The following NKAIN2 variants were observed in gnomAD, a reference collection of about 807,000 sequenced individuals.
NKAIN2 encodes sodium/potassium transporting ATPase interacting 2, also known as sodium/potassium-transporting ATPase subunit beta-1-interacting protein 2.
NKAIN2 carries 14 observed loss-of-function variants against 32.6 expected under a neutral mutation model. The observed-to-expected ratio is 0.43, with a 90% CI of 0.28 to 0.67. The LOEUF (loss-of-function observed/expected upper bound fraction) is 0.67. Ranked by LOEUF, NKAIN2 falls within the 30% of genes least tolerant of loss-of-function variation. The probability of loss-of-function intolerance (pLI) is 0.17; values close to 1 mark genes in which losing one functional copy is unlikely to be tolerated. For synonymous variants in NKAIN2, 80 were observed against 87.2 expected, an observed-to-expected ratio of 0.92 and a Z score of 0.46; for missense variants, 198 against 258.3, an observed-to-expected ratio of 0.77 and a Z score of 1.60.
At chr6:124,616,406 TA>T (rs1782889590) in intron 3 of NKAIN2, among the ~76,000 whole-genome samples, 2 of 145,280 alleles carry the variant, frequency 1.4e-5, no homozygotes, top group Non-Finnish European at 3.0e-5. Context: ...TTGTTCTTAT[TA>T]TTTTTTTCTT....
intron 3 of NKAIN2, among the ~76,000 whole-genome samples, chr6:124,620,983 C>G (rs917255575): frequency 2.0e-5 from 3 of 152,122 alleles, no homozygotes; most frequent in Non-Finnish European, 4.4e-5. Flanking sequence ...GCTTTTTTCT[C>G]TCTCACTCAC....
chr6:124,195,398 C>A (rs1790267256), intron 1 of NKAIN2, among the ~76,000 whole-genome samples: 1 of 152,118 alleles, frequency 6.6e-6, no homozygotes, highest in Non-Finnish European at 1.5e-5. Context: ...GAAACAAATT[C>A]AATGTTAGCT....
intron 3 of NKAIN2, among the ~76,000 whole-genome samples, chr6:124,649,636 C>T (rs185084644): frequency 9.7e-4 from 147 of 152,188 alleles, no homozygotes; most frequent in Non-Finnish European, 3.4e-4. Flanking sequence ...CACCGTAATA[C>T]CAAAACCAGA....
In NKAIN2 at chr6:123,923,963, T is replaced by A. The variant is rs907844632; in HGVS notation, c.54+119709T>A. Among the ~76,000 whole-genome samples, 217 of 151,660 alleles carry A rather than the reference T, an allele frequency of 1.4e-3. 1 individual carries two copies. The highest frequency in any genetic ancestry group is 4.1e-3 in the African/African-American group (169 of 41,400). On this transcript the variant is annotated intron_variant, in intron 1 of 6. Transcript: ENST00000368417. ...TAATAATAATAAAAATAAAAAAAAT[T>A]AAAAAAATTAAAAAAAGGATTTTGG... is the stretch of plus-strand genomic sequence containing the variant.
intron 1 of NKAIN2, among the ~76,000 whole-genome samples, chr6:124,006,262 C>T (rs960917510): frequency 6.6e-6 from 1 of 152,126 alleles, no homozygotes; most frequent in Non-Finnish European, 1.5e-5. Context: ...TTTCAACACT[C>T]ATGGCTTTTT....
At chr6:124,473,489 G>A (rs930396532) in intron 3 of NKAIN2, among the ~76,000 whole-genome samples, 2 of 151,994 alleles carry the variant, frequency 1.3e-5, no homozygotes, top group Non-Finnish European at 2.9e-5. Context: ...ATTCGTTGTA[G>A]TAACTAGTAT....
At chr6:124,412,818 C>T (rs1035333440) in intron 3 of NKAIN2, among the ~76,000 whole-genome samples, 4 of 152,192 alleles carry the variant, frequency 2.6e-5, no homozygotes, top group African/African-American at 4.8e-5. Flanking sequence ...GTGGTGGGCT[C>T]CACCCAGTTC....
intron 3 of NKAIN2, among the ~76,000 whole-genome samples, chr6:124,400,290 CA>C (rs930222410): frequency 1.3e-4 from 19 of 151,794 alleles, no homozygotes; most frequent in African/African-American, 4.6e-4. Flanking sequence ...TTTTAGTACG[CA>C]GCCAGAGTTG....
chr6:124,511,818 A>G (rs1041551280), intron 3 of NKAIN2, among the ~76,000 whole-genome samples: 3 of 152,092 alleles, frequency 2.0e-5, no homozygotes, highest in African/African-American at 7.2e-5. Context: ...CCTCTTTTCA[A>G]GCTTCTGGCT....
At chr6:123,831,889 C>T (rs4897542) in intron 1 of NKAIN2, among the ~76,000 whole-genome samples, 59,406 of 151,916 alleles carry the variant, frequency 0.39, 13,039 homozygotes, top group Middle Eastern at 0.54. Flanking sequence ...CTCCTGACCT[C>T]GTGATCCGCC....
intron 3 of NKAIN2, among the ~76,000 whole-genome samples, chr6:124,629,404 T>C (rs1783476959): frequency 6.6e-6 from 1 of 152,108 alleles, no homozygotes; most frequent in African/African-American, 2.4e-5. Context: ...ATTATTTCTC[T>C]TGGAATCCAC....
chr6:124,696,316 A>T (rs1774495632), intron 4 of NKAIN2, among the ~76,000 whole-genome samples: 1 of 152,080 alleles, frequency 6.6e-6, no homozygotes, highest in African/African-American at 2.4e-5. Context: ...TTTGCTTCTG[A>T]GGCTGCTTCT....
chr6:123,878,318 T>C (rs982858012), intron 1 of NKAIN2, among the ~76,000 whole-genome samples: 3 of 152,218 alleles, frequency 2.0e-5, no homozygotes, highest in African/African-American at 4.8e-5. Context: ...ATAACTTTCA[T>C]ATGTACACTT....
chr6:124,131,931 A>G (rs1047698469), intron 1 of NKAIN2, among the ~76,000 whole-genome samples: 1 of 152,210 alleles, frequency 6.6e-6, no homozygotes, highest in Non-Finnish European at 1.5e-5. Context: ...CAAAGGAGCC[A>G]CTGCCATTGT....
chr6:124,810,493 G>A (rs578132093), intron 5 of NKAIN2, among the ~76,000 whole-genome samples: 2 of 152,118 alleles, frequency 1.3e-5, no homozygotes, highest in South Asian at 4.2e-4. Context: ...TGGGGTGGGG[G>A]GAGCGGGAAG....
intron 3 of NKAIN2, among the ~76,000 whole-genome samples, chr6:124,363,977 C>G (rs1425039192): frequency 1.3e-5 from 2 of 151,710 alleles, no homozygotes; most frequent in Non-Finnish European, 2.9e-5. Context: ...TTTAAAAACA[C>G]ATAAACAATA....
intron 2 of NKAIN2, among the ~76,000 whole-genome samples, chr6:124,327,806 A>G (rs889765120): frequency 1.3e-5 from 2 of 152,166 alleles, no homozygotes; most frequent in South Asian, 2.1e-4. Context: ...ATGTATGTGG[A>G]TGCACTCACA....
intron 4 of NKAIN2, among the ~76,000 whole-genome samples, chr6:124,783,246 G>A (rs1779353081): frequency 6.6e-6 from 1 of 152,124 alleles, no homozygotes; most frequent in Non-Finnish European, 1.5e-5. Context: ...ATAACTTTTT[G>A]ATAAGTTTGG....
chr6:124,221,547 A>T (rs1010477350), intron 1 of NKAIN2, among the ~76,000 whole-genome samples: 1 of 152,138 alleles, frequency 6.6e-6, no homozygotes, highest in Admixed American at 6.5e-5. Flanking sequence ...CCTAAAACTT[A>T]AAGTATAATA....
Sources: allele counts gnomAD v4.1 joint callset (sites outside exome capture counted in the v4.1 genomes callset), GRCh38; gene constraint gnomAD v4.1.1; transcripts MANE v1.5; gene names NCBI Gene and HGNC (gene_info 2026-07-23, HGNC 2026-07-21).